TLK1: variants seen among roughly 807,000 people sequenced by gnomAD.
The protein encoded by TLK1 is serine/threonine-protein kinase tousled-like 1.
In TLK1, 24 loss-of-function variants were observed where a neutral mutation model predicts 105.3. That is an observed-to-expected ratio of 0.23 (90% CI 0.17 to 0.32). TLK1 has a LOEUF of 0.32. Among genes scored for constraint, TLK1 ranks in the 10% least tolerant of loss-of-function variants. The pLI, the probability that TLK1 is intolerant of heterozygous loss-of-function variation, is 1.00. For missense variants in TLK1, 558 were observed against 910.5 expected, an observed-to-expected ratio of 0.61 and a Z score of 4.98; for synonymous variants, 321 against 310.4, an observed-to-expected ratio of 1.03 and a Z score of -0.36.
intron 7 of TLK1, 78 bp downstream of exon 7, chr2:171,055,005 A>C: frequency 2.6e-6 from 2 of 775,430 alleles, no homozygotes; most frequent in South Asian, 6.4e-5. Context: ...TATAAAACAA[A>C]CAGACATCTT....
At chr2:171,007,381 T>C (rs1040499976) in intron 14 of TLK1, among the ~76,000 whole-genome samples, 6 of 152,034 alleles carry the variant, frequency 3.9e-5, no homozygotes, top group African/African-American at 1.4e-4. Context: ...TCTATACTAG[T>C]AGTAAGCAGC....
At chr2:171,083,551 C>G (rs1035369118) in intron 2 of TLK1, among the ~76,000 whole-genome samples, 2 of 152,074 alleles carry the variant, frequency 1.3e-5, no homozygotes, top group African/African-American at 4.8e-5. Context: ...TCATAGTCTT[C>G]CAGAAATGCT....
chr2:171,087,846 C>G (rs1472638857), intron 2 of TLK1, among the ~76,000 whole-genome samples: 5 of 152,178 alleles, frequency 3.3e-5, no homozygotes, highest in African/African-American at 1.2e-4. Flanking sequence ...ATGCATAAGG[C>G]ACAGCTGAGA....
In TLK1 at chr2:171,001,645, G is replaced by A. The variant is rs188943468; in HGVS notation, c.1905-3822C>T. ...CTGTCCCTTCCTACATCAAATCCTGGTGCTCACTTCTCTTCCTTACAAATA... is the reference window on the plus strand; with the variant it reads ...CTGTCCCTTCCTACATCAAATCCTGATGCTCACTTCTCTTCCTTACAAATA... On this transcript the variant is annotated intron_variant, in intron 18 of 20. Coordinates refer to ENST00000431350, the MANE Select transcript of TLK1 (RefSeq NM_012290.5). Among the ~76,000 whole-genome samples, 439 of 152,220 alleles carry A rather than the reference G, an allele frequency of 2.9e-3. 3 individuals carry two copies. Among genetic ancestry groups the A allele is most frequent in the African/African-American group, 0.01 (426 of 41,538 alleles).
intron 14 of TLK1, among the ~76,000 whole-genome samples, chr2:171,008,345 T>C (rs1684740497): frequency 6.6e-6 from 1 of 152,146 alleles, no homozygotes; most frequent in Non-Finnish European, 1.5e-5. Flanking sequence ...ATTAGCTAAT[T>C]ACATATTATT....
intron 2 of TLK1, among the ~76,000 whole-genome samples, chr2:171,109,645 C>T (rs867133229): frequency 8.8e-4 from 134 of 152,264 alleles, no homozygotes; most frequent in African/African-American, 3.1e-3. Flanking sequence ...AGCTAAGTAT[C>T]TTCCCAAGAG....
chr2:171,127,901 A>G (rs1690936898), intron 1 of TLK1, among the ~76,000 whole-genome samples: 1 of 152,170 alleles, frequency 6.6e-6, no homozygotes, highest in African/African-American at 2.4e-5. Context: ...CTGCACATAC[A>G]CACATAAACA....
intron 11 of TLK1, among the ~76,000 whole-genome samples, chr2:171,036,151 A>G (rs1358166770): frequency 1.3e-5 from 2 of 152,224 alleles, no homozygotes; most frequent in African/African-American, 4.8e-5. Flanking sequence ...TTTAAGAAGC[A>G]TAATTTCTGA....
intron 2 of TLK1, among the ~76,000 whole-genome samples, chr2:171,083,432 G>A (rs1688834819): frequency 6.6e-6 from 1 of 152,024 alleles, no homozygotes; most frequent in African/African-American, 2.4e-5. Flanking sequence ...TTTTTGAACT[G>A]TAACAAAGAA....
At chr2:171,055,702 CCTTA>C (rs1359625317) in intron 6 of TLK1, among the ~76,000 whole-genome samples, 1 of 151,872 alleles carries the variant, frequency 6.6e-6, no homozygotes, top group Admixed American at 6.6e-5. Context: ...GAATCTTATG[CCTTA>C]CTTTTATACA....
chr2:171,018,858 A>G (rs1378863888), intron 12 of TLK1, among the ~76,000 whole-genome samples: 1 of 152,228 alleles, frequency 6.6e-6, no homozygotes, highest in African/African-American at 2.4e-5. Flanking sequence ...AAGAAGAGAC[A>G]TAAGTAAGAA....
chr2:171,011,505 T>G, intron 13 of TLK1, 51 bp from the exon 14 acceptor site: 1 of 1,505,558 alleles, frequency 6.6e-7, no homozygotes, highest in Non-Finnish European at 9.1e-7. Flanking sequence ...ACATAAAAAT[T>G]CCTTCTACAC....
intron 14 of TLK1, among the ~76,000 whole-genome samples, chr2:171,009,290 C>CTTT (rs1684792876): frequency 1.2e-5 from 1 of 84,480 alleles, no homozygotes; most frequent in African/African-American, 5.4e-5. Context: ...GATTTCTTTT[C>CTTT]CTTTTTTTTT....
chr2:171,106,103 A>G (rs1218876842), intron 2 of TLK1, among the ~76,000 whole-genome samples: 1 of 152,220 alleles, frequency 6.6e-6, no homozygotes, highest in Non-Finnish European at 1.5e-5. Flanking sequence ...CAGGCACAGA[A>G]AGATAAATAC....
At chr2:171,174,692 C>G (rs1261573883) in intron 1 of TLK1, among the ~76,000 whole-genome samples, 1 of 152,142 alleles carries the variant, frequency 6.6e-6, no homozygotes, top group Non-Finnish European at 1.5e-5. Context: ...AGCACAGAGC[C>G]TGCTGCAAAG....
At chr2:171,142,221 A>G (rs1322138134) in intron 1 of TLK1, among the ~76,000 whole-genome samples, 2 of 152,156 alleles carry the variant, frequency 1.3e-5, no homozygotes, top group Admixed American at 1.3e-4. Flanking sequence ...TAATAATCCC[A>G]AAAGCAGCAG....
intron 2 of TLK1, among the ~76,000 whole-genome samples, chr2:171,113,411 C>T (rs1178733527): frequency 6.6e-6 from 1 of 152,056 alleles, no homozygotes; most frequent in African/African-American, 2.4e-5. Flanking sequence ...GCTGGGATTA[C>T]AGGCACCCGC....
intron 6 of TLK1, 134 bp downstream of exon 6, chr2:171,056,337 A>T: frequency 1.7e-6 from 1 of 592,706 alleles, no homozygotes; most frequent in South Asian, 2.7e-5. Flanking sequence ...CATGTCACAG[A>T]AATAATGTAT....
At chr2:171,174,167 T>G (rs1374245123) in intron 1 of TLK1, among the ~76,000 whole-genome samples, 1 of 152,216 alleles carries the variant, frequency 6.6e-6, no homozygotes, top group Non-Finnish European at 1.5e-5. Flanking sequence ...TTTCCCAGTT[T>G]TATATCTGGT....
Sources: allele counts gnomAD v4.1 joint callset (sites outside exome capture counted in the v4.1 genomes callset), GRCh38; gene constraint gnomAD v4.1.1; transcripts MANE v1.5; gene names NCBI Gene and HGNC (gene_info 2026-07-23, HGNC 2026-07-21).